Variants in TRPC7 observed in about 807,000 individuals in gnomAD.
TRPC7 encodes the protein short transient receptor potential channel 7.
In TRPC7, 42 loss-of-function variants were observed where a neutral mutation model predicts 90.1. The ratio of observed to expected loss-of-function variants is 0.47; its 90% confidence interval spans 0.36 to 0.60. TRPC7 has a LOEUF of 0.60. TRPC7 is among the 20% of genes least tolerant of loss of function. The pLI is 0.00. For synonymous variants in TRPC7, 451 were observed against 436.3 expected (o/e 1.03, Z -0.42); for missense variants, 955 against 1,112.3 (o/e 0.86, Z 2.01).
intron 10 of TRPC7, among the ~76,000 whole-genome samples, chr5:136,219,854 G>GT (rs544222777): frequency 2.5e-3 from 388 of 152,334 alleles, no homozygotes; most frequent in African/African-American, 8.8e-3. Context: ...GCAAAAACCA[G>GT]TTTTGCCACC....
At chr5:136,293,567 G>C (rs997815813) in intron 3 of TRPC7, among the ~76,000 whole-genome samples, 14 of 152,062 alleles carry the variant, frequency 9.2e-5, no homozygotes, top group African/African-American at 3.4e-4. Context: ...AAAATACTTA[G>C]GAATCCAACT....
intron 6 of TRPC7, among the ~76,000 whole-genome samples, chr5:136,248,777 G>C (rs1362633063): frequency 6.6e-6 from 1 of 152,218 alleles, no homozygotes; most frequent in Non-Finnish European, 1.5e-5. Context: ...TCCTATTGCA[G>C]TTCTAATGGT....
At chr5:136,309,803 C>A (rs1453203958) in intron 3 of TRPC7, among the ~76,000 whole-genome samples, 1 of 152,208 alleles carries the variant, frequency 6.6e-6, no homozygotes, top group African/African-American at 2.4e-5. Flanking sequence ...GCCACTATGA[C>A]TTTAGTTTTG....
chr5:136,296,014 C>T (rs985635309), intron 3 of TRPC7, among the ~76,000 whole-genome samples: 1 of 152,070 alleles, frequency 6.6e-6, no homozygotes, highest in African/African-American at 2.4e-5. Flanking sequence ...ATTAACTTGG[C>T]CACAAATGTG....
intron 3 of TRPC7, among the ~76,000 whole-genome samples, chr5:136,284,334 T>A (rs559260440): frequency 6.6e-6 from 1 of 152,378 alleles, no homozygotes; most frequent in South Asian, 2.1e-4. Context: ...TTCACACATG[T>A]ATATAAATTT....
Position 136,356,824 on chromosome 5 carries a change from G to A in TRPC7, c.564C>T (p.Ala188=). 2.5e-6 allele frequency: 4 copies of A among 1,613,742 alleles called. No individual in the cohort carries two copies. Among genetic ancestry groups the A allele is most frequent in the Non-Finnish European group, 3.4e-6 (4 of 1,179,798 alleles). The change falls in exon 2 of 12, where the codon GCC becomes GCT. Residue 188 remains alanine (A), a synonymous_variant. Transcript: ENST00000513104. ...EIVHILLLKG[A]RIERPHDYFC... is the part of the protein sequence containing the mutation. ...AGTAGTCGTGGGGCCGCTCGATGCG[G>A]GCGCCCTTGAGCAGCAGGATGTGCA...
intron 3 of TRPC7, among the ~76,000 whole-genome samples, chr5:136,290,297 A>G (rs996634085): frequency 1.6e-4 from 25 of 152,348 alleles, no homozygotes; most frequent in South Asian, 4.1e-4. Flanking sequence ...ATGGAGAATG[A>G]CTTTGACGAA....
At chr5:136,271,070 G>A (rs1757196245) in intron 4 of TRPC7, among the ~76,000 whole-genome samples, 2 of 152,120 alleles carry the variant, frequency 1.3e-5, no homozygotes, top group South Asian at 2.1e-4. Flanking sequence ...CTTTGGTAAG[G>A]CAAAGCAGAG....
chr5:136,274,136 T>C (rs1561696776), intron 4 of TRPC7, among the ~76,000 whole-genome samples: 1 of 152,218 alleles, frequency 6.6e-6, no homozygotes, highest in Non-Finnish European at 1.5e-5. Flanking sequence ...ACTAGGAAGA[T>C]GTTGCAATGT....
At chr5:136,306,298 AATTC>A (rs1758626754) in intron 3 of TRPC7, among the ~76,000 whole-genome samples, 1 of 152,082 alleles carries the variant, frequency 6.6e-6, no homozygotes, top group African/African-American at 2.4e-5. Flanking sequence ...TTAGTTTTTC[AATTC>A]ATACAAAACC....
chr5:136,279,468 C>A (rs1757475246), intron 3 of TRPC7, among the ~76,000 whole-genome samples: 1 of 152,164 alleles, frequency 6.6e-6, no homozygotes, highest in East Asian at 1.9e-4. Flanking sequence ...GAGGCGGAAG[C>A]ATTTTCCCCC....
chr5:136,339,213 T>C (rs1759762678), intron 2 of TRPC7, among the ~76,000 whole-genome samples: 1 of 152,188 alleles, frequency 6.6e-6, no homozygotes, highest in Non-Finnish European at 1.5e-5. Flanking sequence ...GGGTATAAGC[T>C]AAGCCAACTA....
chr5:136,360,948 G>A (rs1349531714), intron 1 of TRPC7, among the ~76,000 whole-genome samples: 1 of 152,004 alleles, frequency 6.6e-6, no homozygotes, highest in African/African-American at 2.4e-5. Context: ...CCATATCCTT[G>A]CTATTTAATT....
At chr5:136,287,577 G>T (rs1033548310) in intron 3 of TRPC7, among the ~76,000 whole-genome samples, 1 of 151,690 alleles carries the variant, frequency 6.6e-6, no homozygotes, top group African/African-American at 2.4e-5. Flanking sequence ...CACCAGCCTG[G>T]CTCAGGGGTC....
intron 3 of TRPC7, among the ~76,000 whole-genome samples, chr5:136,283,503 A>T (rs1365136738): frequency 6.6e-6 from 1 of 152,200 alleles, no homozygotes; most frequent in Non-Finnish European, 1.5e-5. Flanking sequence ...TCCACTTCTG[A>T]TAATTCTAAG....
rs988281589 is a variant in TRPC7, at chr5:136,285,310, C to T, written c.964-10473G>A. On this transcript the variant is annotated intron_variant, in intron 3 of 11. Coordinates refer to ENST00000513104, the MANE Select transcript of TRPC7 (RefSeq NM_020389.3). ...ATACACTTGCTTTCACTTTTGCCCC[C>T]ACTGTACTCCCATGTACAAAGAGCA... Among the ~76,000 whole-genome samples, 6 of 152,174 alleles carry T rather than the reference C, an allele frequency of 3.9e-5. No homozygotes were observed. The East Asian group carries it at 1.2e-3, about 29-fold the overall frequency.
At chr5:136,223,414 G>C (rs1755522834) in intron 10 of TRPC7, among the ~76,000 whole-genome samples, 1 of 152,136 alleles carries the variant, frequency 6.6e-6, no homozygotes, top group Non-Finnish European at 1.5e-5. Flanking sequence ...GGGAGTTTGA[G>C]ACCAGCCTGA....
In TRPC7 at chr5:136,251,852, C is replaced by A. The variant is rs773680481; in HGVS notation, c.1376G>T (p.Trp459Leu). The A allele has an allele frequency of 2.8e-5, 45 of 1,613,850 alleles. No homozygotes were observed. The highest frequency in any genetic ancestry group is 3.8e-5 in the Non-Finnish European group (45 of 1,179,880). The change falls in exon 6 of 12, where the codon TGG becomes TTG. Residue 459 changes from tryptophan (W) to leucine (L), a missense_variant. Around this residue, in one of 4 missense-constraint regions of TRPC7, gnomAD observed 484 missense variants for 509.6 expected, o/e 0.95. Coordinates refer to ENST00000513104, the MANE Select transcript of TRPC7 (RefSeq NM_020389.3). ...GMIWSECKEI[W>L]EEGPREYVLH... Reference sequence around the variant, plus strand: ...CACGTACTCCCGTGGCCCCTCCTCCCAGATTTCCTTGCATTCGGACCAAAT... The same window carrying A: ...CACGTACTCCCGTGGCCCCTCCTCCAAGATTTCCTTGCATTCGGACCAAAT...
intron 8 of TRPC7, among the ~76,000 whole-genome samples, chr5:136,226,952 G>A (rs761689070): frequency 1.1e-4 from 17 of 152,194 alleles, no homozygotes; most frequent in African/African-American, 2.4e-4. Flanking sequence ...CTTGATAGGC[G>A]TATGTGGTTA....
Sources: gnomAD v4.1 joint callset for allele counts (sites outside exome capture counted in the v4.1 genomes callset) on GRCh38, gnomAD v4.1.1 for gene constraint, gnomAD v4.1.1 regional missense constraint, MANE v1.5 for transcripts, NCBI Gene and HGNC (gene_info 2026-07-23, HGNC 2026-07-21) for gene names.